KCND2: variants seen among roughly 807,000 people sequenced by gnomAD.
KCND2 encodes the protein potassium voltage-gated channel subfamily D member 2, also known as A-type voltage-gated potassium channel KCND2.
In KCND2, 16 loss-of-function variants were observed where a neutral mutation model predicts 54.4. The observed-to-expected ratio is 0.29, with a 90% CI of 0.20 to 0.45. KCND2 has a LOEUF of 0.45. Ranked by LOEUF, KCND2 falls within the 20% of genes least tolerant of loss-of-function variation. The probability of loss-of-function intolerance (pLI) is 1.00; values close to 1 mark genes in which losing one functional copy is unlikely to be tolerated. For missense variants in KCND2, 486 were observed against 824.2 expected (o/e 0.59, Z 5.02); for synonymous variants, 317 against 310.7 (o/e 1.02, Z -0.21).
chr7:120,733,052 G>A lies in KCND2; in HGVS notation c.1265G>A (p.Arg422Gln), dbSNP rs758936825. The A allele has an allele frequency of 1.9e-6, 3 of 1,613,412 alleles. No homozygotes were observed. Among genetic ancestry groups the A allele is most frequent in the Non-Finnish European group, 2.5e-6 (3 of 1,179,630 alleles). ...CACCAGAATCAACGAGCAGACAAACGAAGGGCACAAAAGGTGCGTATTCAA... is the reference window on the plus strand; with the variant it reads ...CACCAGAATCAACGAGCAGACAAACAAAGGGCACAAAAGGTGCGTATTCAA... ...IYHQNQRADK[R>Q]RAQKKARLAR... is the part of the protein sequence containing the mutation. Residue 422 changes from arginine (R) to glutamine (Q), a missense_variant, in exon 2 of 6, where the codon CGA becomes CAA. This residue lies in a region of KCND2 where 11 missense variants were observed against 21.4 expected (regional missense o/e 0.51). Transcript: ENST00000331113.
At chr7:120,445,329 G>C (rs1802004530) in intron 1 of KCND2, among the ~76,000 whole-genome samples, 1 of 152,194 alleles carries the variant, frequency 6.6e-6, no homozygotes, top group African/African-American at 2.4e-5. Flanking sequence ...TTTCAGGATG[G>C]ACTACATAGA....
At chr7:120,294,078 A>G (rs1488780200) in intron 1 of KCND2, among the ~76,000 whole-genome samples, 1 of 152,016 alleles carries the variant, frequency 6.6e-6, no homozygotes, top group African/African-American at 2.4e-5. Flanking sequence ...CTCAACATAA[A>G]AAAGCAATTC....
chr7:120,567,882 A>T (rs1421686671), intron 1 of KCND2, among the ~76,000 whole-genome samples: 1 of 152,076 alleles, frequency 6.6e-6, no homozygotes, highest in Non-Finnish European at 1.5e-5. Flanking sequence ...ATAACCTCAA[A>T]CCAGGTAGGC....
chr7:120,710,879 G>A (rs1012385394), intron 1 of KCND2, among the ~76,000 whole-genome samples: 7 of 151,990 alleles, frequency 4.6e-5, no homozygotes, highest in African/African-American at 1.7e-4. Context: ...GATAATGTCT[G>A]TATGCTTTGA....
intron 1 of KCND2, among the ~76,000 whole-genome samples, chr7:120,335,839 G>A (rs2116356504): frequency 6.6e-6 from 1 of 152,222 alleles, no homozygotes; most frequent in South Asian, 2.1e-4. Context: ...GCAATAGTAT[G>A]GCGATTGCCA....
At chr7:120,738,785 G>A (rs1792905024) in intron 2 of KCND2, among the ~76,000 whole-genome samples, 2 of 152,016 alleles carry the variant, frequency 1.3e-5, no homozygotes, top group African/African-American at 2.4e-5. Flanking sequence ...GTCATACTGA[G>A]TGGCTCAGAA....
chr7:120,521,738 C>T (rs1183331379), intron 1 of KCND2, among the ~76,000 whole-genome samples: 1 of 152,078 alleles, frequency 6.6e-6, no homozygotes, highest in Non-Finnish European at 1.5e-5. Flanking sequence ...TCAATATGTT[C>T]CATCTATAAT....
At chr7:120,507,085 A>T (rs1803033761) in intron 1 of KCND2, among the ~76,000 whole-genome samples, 1 of 151,884 alleles carries the variant, frequency 6.6e-6, no homozygotes, top group Non-Finnish European at 1.5e-5. Flanking sequence ...TTTATTCAAA[A>T]TGGTTATTCA....
At chr7:120,309,452 CATAT>C (rs61690032) in intron 1 of KCND2, among the ~76,000 whole-genome samples, 1,758 of 68,250 alleles carry the variant, frequency 0.026, 67 homozygotes, top group African/African-American at 0.054. Flanking sequence ...TAATAGAAAA[CATAT>C]ATATATATAT....
chr7:120,617,354 G>A (rs1228068365), intron 1 of KCND2, among the ~76,000 whole-genome samples: 2 of 152,058 alleles, frequency 1.3e-5, no homozygotes, highest in African/African-American at 4.8e-5. Flanking sequence ...CTTCTCAAAA[G>A]AAGACATACA....
chr7:120,619,945 A>G (rs1793076978), intron 1 of KCND2, among the ~76,000 whole-genome samples: 1 of 152,198 alleles, frequency 6.6e-6, no homozygotes, highest in African/African-American at 2.4e-5. Flanking sequence ...GTGGAAAAGA[A>G]GAGGCTGAAT....
intron 1 of KCND2, among the ~76,000 whole-genome samples, chr7:120,534,885 A>G (rs1393220068): frequency 2.6e-5 from 4 of 152,176 alleles, no homozygotes; most frequent in African/African-American, 9.6e-5. Flanking sequence ...GATAAAAGAA[A>G]TAATTTTGAC....
At chr7:120,339,817 C>T (rs1184050248) in intron 1 of KCND2, among the ~76,000 whole-genome samples, 1 of 152,072 alleles carries the variant, frequency 6.6e-6, no homozygotes, top group Non-Finnish European at 1.5e-5. Context: ...CAAAATTGGC[C>T]TCAGTGAGAA....
chr7:120,392,240 T>C (rs1801090150), intron 1 of KCND2, among the ~76,000 whole-genome samples: 1 of 152,066 alleles, frequency 6.6e-6, no homozygotes, highest in Non-Finnish European at 1.5e-5. Context: ...TGTGGTGTTA[T>C]TTCCGAGGCC....
chr7:120,740,902 T>C (rs1245325020), intron 2 of KCND2: 2 of 433,160 alleles, frequency 4.6e-6, no homozygotes, highest in South Asian at 3.1e-5. Context: ...CAGTTGTTTT[T>C]GTTTATTTGT....
At chr7:120,711,669 G>T (rs1182464673) in intron 1 of KCND2, among the ~76,000 whole-genome samples, 1 of 152,080 alleles carries the variant, frequency 6.6e-6, no homozygotes, top group African/African-American at 2.4e-5. Flanking sequence ...CAAGTAAAAG[G>T]CTTTAAATAG....
intron 1 of KCND2, among the ~76,000 whole-genome samples, chr7:120,584,096 C>G (rs1029300410): frequency 6.6e-6 from 1 of 152,180 alleles, no homozygotes; most frequent in African/African-American, 2.4e-5. Context: ...TCTCTTGAAA[C>G]TGAGGTAAAC....
chr7:120,625,477 G>A (rs1355278366), intron 1 of KCND2, among the ~76,000 whole-genome samples: 2 of 152,090 alleles, frequency 1.3e-5, no homozygotes, highest in African/African-American at 4.8e-5. Flanking sequence ...GGTGTTTTAT[G>A]TACAATGTCA....
At chr7:120,353,103 T>G (rs1328526516) in intron 1 of KCND2, among the ~76,000 whole-genome samples, 1 of 151,864 alleles carries the variant, frequency 6.6e-6, no homozygotes, top group East Asian at 1.9e-4. Context: ...CTGATTCTAT[T>G]TTTGTAACAA....
Sources: allele counts gnomAD v4.1 joint callset (sites outside exome capture counted in the v4.1 genomes callset), GRCh38; gene constraint gnomAD v4.1.1; regional missense constraint gnomAD v4.1.1; transcripts MANE v1.5; gene names NCBI Gene and HGNC (gene_info 2026-07-23, HGNC 2026-07-21).